The following TAFA2 variants were observed in gnomAD, a reference collection of about 807,000 sequenced individuals.
The protein encoded by TAFA2 is TAFA chemokine like family member 2, also known as chemokine-like protein TAFA-2.
TAFA2 carries 7 observed loss-of-function variants against 18.8 expected under a neutral mutation model. That is an observed-to-expected ratio of 0.37 (90% CI 0.21 to 0.70). TAFA2 has a LOEUF of 0.70. Among genes scored for constraint, TAFA2 ranks in the 30% least tolerant of loss-of-function variants. TAFA2 has a pLI of 0.53. For missense variants in TAFA2, 122 were observed against 158.1 expected (o/e 0.77, Z 1.23); for synonymous variants, 60 against 54.2 (o/e 1.11, Z -0.47).
At chr12:61,877,848 T>G (rs932224668) in intron 1 of TAFA2, among the ~76,000 whole-genome samples, 1 of 151,796 alleles carries the variant, frequency 6.6e-6, no homozygotes, top group African/African-American at 2.4e-5. Context: ...TTAGACTTAT[T>G]ACCAAATCAT....
chr12:62,118,002 A>G (rs1870033682), intron 1 of TAFA2, among the ~76,000 whole-genome samples: 1 of 152,072 alleles, frequency 6.6e-6, no homozygotes, highest in African/African-American at 2.4e-5. Flanking sequence ...TAATAATGTG[A>G]TAAGTACACA....
intron 1 of TAFA2, among the ~76,000 whole-genome samples, chr12:62,104,277 A>G (rs11174320): frequency 0.066 from 16 of 242 alleles, no homozygotes; most frequent in Non-Finnish European, 0.3. Context: ...CTTCTGAAGC[A>G]AAAAAAAAAA....
intron 1 of TAFA2, among the ~76,000 whole-genome samples, chr12:62,113,517 G>A (rs998436105): frequency 1.2e-4 from 19 of 152,210 alleles, no homozygotes; most frequent in African/African-American, 4.3e-4. Flanking sequence ...CAGAGCTTGA[G>A]TACTGTGCTA....
At position 61,760,660 on chromosome 12, in the gene TAFA2, A is replaced by G. The variant is rs552996977; in HGVS notation, c.107-5636T>C. Among the ~76,000 whole-genome samples, 5 of 151,970 alleles carry G rather than the reference A, an allele frequency of 3.3e-5. No individual in the cohort carries two copies. In the South Asian group the frequency reaches 1.0e-3, roughly 32 times the overall value. Reference sequence around the variant, plus strand: ...TTCTTTAAAAGGTTAATGAGACGGGAGGAAATTCAAGCAGTTACTAGAATT... The same window carrying G: ...TTCTTTAAAAGGTTAATGAGACGGGGGGAAATTCAAGCAGTTACTAGAATT... On this transcript the variant is annotated intron_variant, in intron 2 of 4. Coordinates refer to ENST00000416284, the MANE Select transcript of TAFA2 (RefSeq NM_178539.5).
intron 1 of TAFA2, among the ~76,000 whole-genome samples, chr12:62,017,893 A>G (rs1880992851): frequency 6.6e-6 from 1 of 152,214 alleles, no homozygotes; most frequent in Non-Finnish European, 1.5e-5. Context: ...ACTGTCTGTT[A>G]TAATTATCAG....
intron 2 of TAFA2, among the ~76,000 whole-genome samples, chr12:61,814,355 T>C (rs776628411): frequency 2.6e-5 from 4 of 151,350 alleles, no homozygotes; most frequent in Non-Finnish European, 4.4e-5. Context: ...AGGAGCCCCA[T>C]GATTCAGGGC....
Position 62,007,165 on chromosome 12 carries a change from A to C in TAFA2, c.-1-139739T>G, listed in dbSNP as rs1204128332. Among the ~76,000 whole-genome samples the C allele has an allele frequency of 4.7e-4, 72 of 152,190 alleles. 1 individual carries two copies. The highest frequency in any genetic ancestry group is 1.3e-3 in the African/African-American group (55 of 41,520). ...TTCCTATTCCTGGAGCATGCTGAGC[A>C]TGTCATCTCCCAGGGGCTTTTGCAT... On this transcript the variant is annotated intron_variant, in intron 1 of 4. Coordinates refer to ENST00000416284, the MANE Select transcript of TAFA2 (RefSeq NM_178539.5).
intron 1 of TAFA2, among the ~76,000 whole-genome samples, chr12:61,944,210 T>C (rs1219340812): frequency 1.4e-5 from 2 of 147,564 alleles, no homozygotes; most frequent in African/African-American, 5.1e-5. Flanking sequence ...GACTACTGGG[T>C]ACATAACGAA....
intron 1 of TAFA2, among the ~76,000 whole-genome samples, chr12:62,050,297 T>G (rs1172798233): frequency 6.6e-6 from 1 of 151,962 alleles, no homozygotes; most frequent in African/African-American, 2.4e-5. Context: ...ACAGCTGGGC[T>G]CGGTGGCTCA....
At chr12:61,770,252 A>G (rs1400773544) in intron 2 of TAFA2, among the ~76,000 whole-genome samples, 1 of 152,106 alleles carries the variant, frequency 6.6e-6, no homozygotes, top group Non-Finnish European at 1.5e-5. Flanking sequence ...TGTTAATCAA[A>G]CCTAAGAATA....
intron 4 of TAFA2, among the ~76,000 whole-genome samples, chr12:61,745,217 C>T (rs1868644409): frequency 6.6e-6 from 1 of 152,060 alleles, no homozygotes; most frequent in South Asian, 2.1e-4. Context: ...AAACATAAAA[C>T]TTGCTCTTCC....
intron 2 of TAFA2, among the ~76,000 whole-genome samples, chr12:61,781,477 G>A (rs540732415): frequency 6.6e-6 from 1 of 151,872 alleles, no homozygotes; most frequent in Non-Finnish European, 1.5e-5. Context: ...AAGCAGCTTA[G>A]ACTTTAGCAT....
chr12:62,204,356 T>C (rs1237675682), intron 1 of TAFA2, among the ~76,000 whole-genome samples: 1 of 152,166 alleles, frequency 6.6e-6, no homozygotes, highest in Non-Finnish European at 1.5e-5. Context: ...TGGTGTTCTC[T>C]GGATTTCGTG....
intron 1 of TAFA2, among the ~76,000 whole-genome samples, chr12:62,015,094 A>T (rs567198890): frequency 2.0e-5 from 3 of 152,350 alleles, no homozygotes; most frequent in Admixed American, 2.0e-4. Flanking sequence ...AAATATGAAA[A>T]GTTACTATGT....
chr12:61,895,211 AC>A (rs891763445), intron 1 of TAFA2, among the ~76,000 whole-genome samples: 1 of 152,198 alleles, frequency 6.6e-6, no homozygotes, highest in Non-Finnish European at 1.5e-5. Context: ...ATGTAGTCAG[AC>A]AATAAAAATA....
upstream of TAFA2, among the ~76,000 whole-genome samples, chr12:62,197,006 C>T (rs1056343770): frequency 1.3e-5 from 2 of 152,258 alleles, no homozygotes; most frequent in Non-Finnish European, 2.9e-5. Context: ...ATGAGCATTA[C>T]CGCCTGAGCT....
At chr12:61,731,170 G>T (rs1870430132) in intron 4 of TAFA2, among the ~76,000 whole-genome samples, 1 of 152,020 alleles carries the variant, frequency 6.6e-6, no homozygotes, top group African/African-American at 2.4e-5. Context: ...TTCAGCTCTA[G>T]GTGAGGTTAA....
At chr12:62,031,696 C>G (rs190120722) in intron 1 of TAFA2, among the ~76,000 whole-genome samples, 33 of 152,228 alleles carry the variant, frequency 2.2e-4, no homozygotes, top group Non-Finnish European at 4.4e-4. Flanking sequence ...ACTTGGGGAT[C>G]ACAATTATAG....
chr12:62,092,597 C>G (rs951300753), intron 1 of TAFA2, among the ~76,000 whole-genome samples: 1 of 151,990 alleles, frequency 6.6e-6, no homozygotes, highest in East Asian at 1.9e-4. Flanking sequence ...TCCTTCTTAG[C>G]CTCCTTTACT....
Sources: gnomAD v4.1 joint callset for allele counts (sites outside exome capture counted in the v4.1 genomes callset) on GRCh38, gnomAD v4.1.1 for gene constraint, MANE v1.5 for transcripts, NCBI Gene and HGNC (gene_info 2026-07-23, HGNC 2026-07-21) for gene names.